Variants in FARP1 observed in about 807,000 individuals in gnomAD.
The protein encoded by FARP1 is FERM, ARHGEF and pleckstrin domain-containing protein 1.
FARP1 carries 52 observed loss-of-function variants against 128.8 expected under a neutral mutation model. That is an observed-to-expected ratio of 0.40 (90% CI 0.32 to 0.51). The LOEUF is 0.51. FARP1 is among the 20% of genes least tolerant of loss of function. The pLI, the probability that FARP1 is intolerant of heterozygous loss-of-function variation, is 0.45. For synonymous variants in FARP1, 580 were observed against 551.8 expected, an observed-to-expected ratio of 1.05 and a Z score of -0.72; for missense variants, 1,333 against 1,367.9, an observed-to-expected ratio of 0.97 and a Z score of 0.40.
Position 98,453,462 on chromosome 13 carries a change from T to C in FARP1, c.*5145T>C. The stretch of plus-strand genomic sequence containing the variant: ...TGGGTTCAGCCTCCCTGGAGAGATG[T>C]GAATAAAACGGGAAATCATATCCCT... On this transcript the variant is annotated 3_prime_UTR_variant, in exon 27 of 27. Transcript: ENST00000319562. 1 of 485,504 alleles carries C rather than the reference T, an allele frequency of 2.1e-6. No individual in the cohort carries two copies. The highest frequency in any genetic ancestry group is 3.6e-6 in the Non-Finnish European group (1 of 277,148). 30.1% of individuals were successfully genotyped at this position (485,504 alleles called of 1,614,324 possible).
chr13:98,449,045 G>A lies in FARP1; in HGVS notation c.*728G>A, dbSNP rs759649711. The A allele has an allele frequency of 6.6e-5, 10 of 152,180 alleles. No homozygotes were observed. Among genetic ancestry groups the A allele is most frequent in the Non-Finnish European group, 1.3e-4 (9 of 68,050 alleles). 9.4% of individuals were successfully genotyped at this position (152,180 alleles called of 1,614,324 possible). On this transcript the variant is annotated 3_prime_UTR_variant, in exon 27 of 27. Coordinates refer to ENST00000319562, the MANE Select transcript of FARP1 (RefSeq NM_005766.4). ...AAGCCGAGATCCAGTGCAATACCTG[G>A]ACTGTCACCGTCCTGTGAGTGGTGT...
At chr13:98,145,345 C>A (rs76493177) in intron 1 of FARP1, among the ~76,000 whole-genome samples, 1 of 152,162 alleles carries the variant, frequency 6.6e-6, no homozygotes, top group Admixed American at 6.5e-5. Context: ...AGCGTGGTTT[C>A]TAATGCCCCC....
chr13:98,158,321 A>G lies in FARP1; in HGVS notation c.-24+14829A>G, dbSNP rs1876634910. 2.0e-5 allele frequency among the ~76,000 whole-genome samples: 3 copies of G among 152,350 alleles called. No homozygotes were observed. In the East Asian group the frequency reaches 5.8e-4, roughly 29 times the overall value. ...ACACATATAAAAAGTCATGTAAGACATACTTTGGCTACAGAACATGCATTG... is the reference window on the plus strand; with the variant it reads ...ACACATATAAAAAGTCATGTAAGACGTACTTTGGCTACAGAACATGCATTG... On this transcript the variant is annotated intron_variant, in intron 1 of 26. Transcript: ENST00000319562.
intron 2 of FARP1, among the ~76,000 whole-genome samples, chr13:98,301,781 T>A (rs747720035): frequency 3.9e-5 from 6 of 152,206 alleles, no homozygotes; most frequent in Admixed American, 6.5e-5. Context: ...TTTTTATGTT[T>A]ATTTAAGTGT....
Position 98,316,353 on chromosome 13 carries a change from A to C in FARP1, c.172-27409A>C, listed in dbSNP as rs190526866. 5.8e-4 allele frequency among the ~76,000 whole-genome samples: 89 copies of C among 152,288 alleles called. No homozygotes were observed. The South Asian group carries it at 0.013, about 23-fold the overall frequency. On this transcript the variant is annotated intron_variant, in intron 2 of 26. Coordinates refer to ENST00000319562, the MANE Select transcript of FARP1 (RefSeq NM_005766.4). ...GTTGTTTCCTTGTGAAAAACTATTT[A>C]ATCTCCATGAGAATCCTGCTAGGTA...
At chr13:98,419,151 T>C (rs1891496181) in intron 16 of FARP1, among the ~76,000 whole-genome samples, 1 of 152,166 alleles carries the variant, frequency 6.6e-6, no homozygotes, top group Non-Finnish European at 1.5e-5. Flanking sequence ...AATCCACATA[T>C]ATCACATGTG....
intron 2 of FARP1, among the ~76,000 whole-genome samples, chr13:98,275,703 C>T (rs1884625027): frequency 1.4e-5 from 2 of 147,456 alleles, no homozygotes; most frequent in South Asian, 2.1e-4. Context: ...TATAAAATGT[C>T]CCACTTTCCT....
At position 98,338,161 on chromosome 13, in the gene FARP1, T is replaced by C. The variant is rs574989696; in HGVS notation, c.172-5601T>C. 2.6e-5 allele frequency among the ~76,000 whole-genome samples: 4 copies of C among 152,372 alleles called. No homozygotes were observed. The South Asian group carries it at 8.3e-4, about 32-fold the overall frequency. Reference sequence around the variant, plus strand: ...TGTAACAAAACTTACCGTTTTTACATGTGTAGTTCAGGGGCATTAAGTACA... The same window carrying C: ...TGTAACAAAACTTACCGTTTTTACACGTGTAGTTCAGGGGCATTAAGTACA... On this transcript the variant is annotated intron_variant, in intron 2 of 26. Transcript: ENST00000319562.
In FARP1 at chr13:98,314,524, C is replaced by T. The variant is rs529554517; in HGVS notation, c.172-29238C>T. Among the ~76,000 whole-genome samples, 8 of 152,026 alleles carry T rather than the reference C, an allele frequency of 5.3e-5. No homozygotes were observed. The East Asian group carries it at 7.8e-4, about 15-fold the overall frequency. On this transcript the variant is annotated intron_variant, in intron 2 of 26. Transcript: ENST00000319562. ...CGATCTCTTGACCTCATGATCTGCC[C>T]GCCTCGGCCTCCCAAAGTGCTGGGA...
chr13:98,142,847 G>C (rs548547446), upstream of FARP1: 12 of 152,110 alleles, frequency 7.9e-5, no homozygotes, highest in Admixed American at 7.8e-4. Flanking sequence ...ATTAGGTAGC[G>C]CCGCGCGGAG....
At chr13:98,444,520 T>C (rs571354073) in intron 24 of FARP1, among the ~76,000 whole-genome samples, 2 of 152,132 alleles carry the variant, frequency 1.3e-5, no homozygotes, top group African/African-American at 2.4e-5. Flanking sequence ...GCCTCCTGAG[T>C]GCAGGGCAGG....
At chr13:98,244,656 G>A in intron 2 of FARP1, 1 of 1,614,204 alleles carries the variant, frequency 6.2e-7, no homozygotes, top group Non-Finnish European at 8.5e-7. Flanking sequence ...AAACTGGGCT[G>A]GAAGTAGAAG....
chr13:98,198,221 C>T (rs995319970), intron 1 of FARP1, among the ~76,000 whole-genome samples: 2 of 152,144 alleles, frequency 1.3e-5, no homozygotes, highest in Admixed American at 1.3e-4. Flanking sequence ...CCAGTGAGCC[C>T]CAGGACTTTG....
At chr13:98,192,631 TCCACCTG>T (rs972746374) in intron 1 of FARP1, among the ~76,000 whole-genome samples, 19 of 152,092 alleles carry the variant, frequency 1.2e-4, no homozygotes, top group Admixed American at 1.2e-3. Flanking sequence ...CTTCAGGTGG[TCCACCTG>T]CCACAGCCTC....
intron 2 of FARP1, chr13:98,245,220 A>G (rs1175269027): frequency 1.1e-5 from 11 of 985,546 alleles, no homozygotes; most frequent in Non-Finnish European, 1.3e-5. Flanking sequence ...ATCTACAGTA[A>G]TTTTTGTGTA....
At chr13:98,271,498 C>T (rs1884388821) in intron 2 of FARP1, among the ~76,000 whole-genome samples, 1 of 152,132 alleles carries the variant, frequency 6.6e-6, no homozygotes, top group Non-Finnish European at 1.5e-5. Flanking sequence ...CACCCATCAA[C>T]CCGTCATCTA....
intron 2 of FARP1, among the ~76,000 whole-genome samples, chr13:98,239,174 T>C (rs1035199429): frequency 3.3e-5 from 5 of 152,166 alleles, no homozygotes; most frequent in African/African-American, 9.7e-5. Context: ...ATTGAACACT[T>C]AAGATACTTA....
intron 3 of FARP1, among the ~76,000 whole-genome samples, chr13:98,353,052 A>T (rs1888500729): frequency 6.6e-6 from 1 of 152,192 alleles, no homozygotes; most frequent in Non-Finnish European, 1.5e-5. Context: ...GGCACCACAC[A>T]CTTTTAACCA....
intron 16 of FARP1, among the ~76,000 whole-genome samples, chr13:98,416,483 C>T (rs761451087): frequency 6.6e-5 from 10 of 152,214 alleles, no homozygotes; most frequent in Non-Finnish European, 1.2e-4. Context: ...TCACCTTCTC[C>T]TGAGTAAACA....
Sources: gnomAD v4.1 joint callset for allele counts (sites outside exome capture counted in the v4.1 genomes callset) on GRCh38, gnomAD v4.1.1 for gene constraint, MANE v1.5 for transcripts, NCBI Gene and HGNC (gene_info 2026-07-23, HGNC 2026-07-21) for gene names.